Variants in SYCP2L observed in about 807,000 individuals in gnomAD.
SYCP2L encodes synaptonemal complex protein 2 like, also known as synaptonemal complex protein 2-like.
SYCP2L carries 98 observed loss-of-function variants against 125.8 expected under a neutral mutation model. That is an observed-to-expected ratio of 0.78 (90% CI 0.66 to 0.92). The LOEUF (loss-of-function observed/expected upper bound fraction) is 0.92, where lower values mean the gene tolerates loss of function less well. Ranked by LOEUF, SYCP2L falls within the 40% of genes least tolerant of loss-of-function variation. SYCP2L has a pLI of 0.00. For synonymous variants in SYCP2L, 317 were observed against 325.4 expected (o/e 0.97, Z 0.28); for missense variants, 842 against 936.4 (o/e 0.90, Z 1.32).
chr6:10,971,284 C>T (rs1049058509), intron 29 of SYCP2L, among the ~76,000 whole-genome samples: 1 of 151,654 alleles, frequency 6.6e-6, no homozygotes, highest in African/African-American at 2.4e-5. Flanking sequence ...TGGTGAAACC[C>T]CATCTCTACT....
At chr6:10,918,905 T>C (rs771849251) in intron 14 of SYCP2L, among the ~76,000 whole-genome samples, 20 of 152,240 alleles carry the variant, frequency 1.3e-4, no homozygotes, top group Non-Finnish European at 1.9e-4. Flanking sequence ...CTGTAAGTTG[T>C]CCATTGTTTC....
At chr6:10,926,039 A>G (rs1020941308) in intron 15 of SYCP2L, among the ~76,000 whole-genome samples, 5 of 152,160 alleles carry the variant, frequency 3.3e-5, no homozygotes, top group Non-Finnish European at 5.9e-5. Flanking sequence ...TGCCTGAGAG[A>G]AGCAGCGGTT....
intron 4 of SYCP2L, among the ~76,000 whole-genome samples, chr6:10,894,713 A>G (rs1780228626): frequency 6.6e-6 from 1 of 152,366 alleles, no homozygotes; most frequent in South Asian, 2.1e-4. Context: ...TTTAAAAATA[A>G]TAACCAAGAG....
At chr6:10,897,765 G>A (rs975253004) in intron 4 of SYCP2L, among the ~76,000 whole-genome samples, 4 of 151,952 alleles carry the variant, frequency 2.6e-5, no homozygotes, top group African/African-American at 7.3e-5. Flanking sequence ...TTTCTGACAC[G>A]GATCCTGGCT....
chr6:10,972,438 G>C (rs989311714), intron 29 of SYCP2L, among the ~76,000 whole-genome samples: 1 of 152,174 alleles, frequency 6.6e-6, no homozygotes, highest in Non-Finnish European at 1.5e-5. Flanking sequence ...AACCAAATAG[G>C]GCTTTTACTT....
intron 14 of SYCP2L, among the ~76,000 whole-genome samples, chr6:10,920,097 C>G (rs553958362): frequency 6.6e-6 from 1 of 152,106 alleles, no homozygotes; most frequent in Non-Finnish European, 1.5e-5. Flanking sequence ...CTGGTGCCAT[C>G]GTGGGCAGAA....
chr6:10,941,503 C>A (rs1469900742), intron 21 of SYCP2L, among the ~76,000 whole-genome samples: 2 of 152,228 alleles, frequency 1.3e-5, no homozygotes, highest in African/African-American at 4.8e-5. Context: ...TGAACAGACA[C>A]TTCTCAAAAG....
intron 1 of SYCP2L, among the ~76,000 whole-genome samples, chr6:10,888,887 A>C (rs1561677070): frequency 6.6e-6 from 1 of 151,798 alleles, no homozygotes; most frequent in East Asian, 1.9e-4. Flanking sequence ...TTTGATACGG[A>C]GTCTCACTCT....
chr6:10,924,606 C>T lies in SYCP2L; in HGVS notation c.1183C>T (p.Gln395Ter), dbSNP rs1193818425. The T allele has an allele frequency of 1.3e-6, 2 of 1,593,612 alleles. No homozygotes were observed. Among genetic ancestry groups the T allele is most frequent in the Non-Finnish European group, 1.7e-6 (2 of 1,174,100 alleles). Reference protein sequence around the residue: ...IHFDLQFNISQVSIQALGEDK... With the variant: ...IHFDLQFNIS ...TTTTGATTTGCAGTTCAACATATCACAAGTTTCCATTCAAGCTTTAGGAGA... is the reference window on the plus strand; with the variant it reads ...TTTTGATTTGCAGTTCAACATATCATAAGTTTCCATTCAAGCTTTAGGAGA... Residue 395 changes from glutamine (Q) to a stop codon, truncating the protein, a stop_gained, in exon 15 of 30, where the codon CAA (glutamine) becomes TAA (stop). Transcript: ENST00000283141. LOFTEE classifies it high-confidence loss of function.
intron 1 of SYCP2L, among the ~76,000 whole-genome samples, chr6:10,890,726 C>G (rs1018074531): frequency 6.6e-6 from 1 of 152,096 alleles, no homozygotes; most frequent in African/African-American, 2.4e-5. Context: ...CTTTCATTGC[C>G]TGTGATTTTG....
chr6:10,956,917 C>G (rs116476426), intron 25 of SYCP2L, among the ~76,000 whole-genome samples: 2,241 of 152,280 alleles, frequency 0.015, 54 homozygotes, highest in African/African-American at 0.051. Flanking sequence ...ACCTTGAACT[C>G]TTGGGCTCAA....
At chr6:10,893,016 T>C (rs1581813812) in intron 2 of SYCP2L, among the ~76,000 whole-genome samples, 1 of 152,164 alleles carries the variant, frequency 6.6e-6, no homozygotes, top group South Asian at 2.1e-4. Context: ...TATACTTTTT[T>C]TTTTTTTTGA....
At chr6:10,891,435 T>TTG in intron 1 of SYCP2L, 78 bp from the exon 2 acceptor site, 11 of 860,562 alleles carry the variant, frequency 1.3e-5, no homozygotes, top group South Asian at 7.5e-5. Context: ...TTTTTTTTTT[T>TTG]TTTGCTTTGT....
chr6:10,961,650 TC>T, intron 28 of SYCP2L, 92 bp downstream of exon 28: 1 of 1,256,880 alleles, frequency 8.0e-7, no homozygotes, highest in Non-Finnish European at 1.2e-6. Context: ...ACGGTAAAAC[TC>T]CCATAACTAA....
chr6:10,945,212 C>G (rs896604680), intron 23 of SYCP2L, among the ~76,000 whole-genome samples: 1 of 151,996 alleles, frequency 6.6e-6, no homozygotes, highest in African/African-American at 2.4e-5. Flanking sequence ...TAGTATATGC[C>G]AATTTTTAAA....
intron 21 of SYCP2L, among the ~76,000 whole-genome samples, chr6:10,939,558 A>G (rs1230372151): frequency 1.3e-5 from 2 of 152,242 alleles, no homozygotes; most frequent in Non-Finnish European, 2.9e-5. Context: ...ATGGGCCCAG[A>G]CATAAACCTA....
intron 14 of SYCP2L, among the ~76,000 whole-genome samples, chr6:10,916,359 G>A (rs996182702): frequency 6.6e-6 from 1 of 152,068 alleles, no homozygotes; most frequent in African/African-American, 2.4e-5. Context: ...CTTCTACGGG[G>A]TTTGAGTTTG....
At chr6:10,924,735 A>T (rs907048498) in intron 15 of SYCP2L, 94 bp downstream of exon 15, 1 of 1,187,794 alleles carries the variant, frequency 8.4e-7, no homozygotes, top group Non-Finnish European at 1.1e-6. Context: ...TGAATATTTG[A>T]TAAAGCAGAA....
intron 2 of SYCP2L, among the ~76,000 whole-genome samples, chr6:10,892,286 C>T (rs760614554): frequency 2.0e-5 from 3 of 152,164 alleles, no homozygotes; most frequent in Admixed American, 6.5e-5. Context: ...ATTTTTAATG[C>T]AGAGGAAGCC....
Sources: gnomAD v4.1 joint callset for allele counts (sites outside exome capture counted in the v4.1 genomes callset) on GRCh38, gnomAD v4.1.1 for gene constraint, MANE v1.5 for transcripts, NCBI Gene and HGNC (gene_info 2026-07-23, HGNC 2026-07-21) for gene names.